Variants in FBF1 observed in about 807,000 individuals in gnomAD.
FBF1 encodes the protein fas-binding factor 1.
Under a neutral mutation model 147.2 loss-of-function variants are expected in FBF1, and 119 were observed. The observed-to-expected ratio is 0.81, with a 90% CI of 0.70 to 0.94. The LOEUF is 0.94. Among genes scored for constraint, FBF1 ranks in the 40% least tolerant of loss-of-function variants. The pLI is 0.00. For synonymous variants in FBF1, 601 were observed against 609.0 expected (o/e 0.99, Z 0.19); for missense variants, 1,449 against 1,500.8 (o/e 0.97, Z 0.57).
chr17:75,933,265 A>C (rs910343968), intron 4 of FBF1, among the ~76,000 whole-genome samples, 177 bp from the exon 5 acceptor site: 1 of 152,158 alleles, frequency 6.6e-6, no homozygotes, highest in Admixed American at 6.5e-5. Context: ...AGGGTGGTAC[A>C]TTTCCAAGGA....
rs2065554727 is a variant in FBF1, at chr17:75,925,492, A to G, written c.869-46T>C. 1 of 1,539,520 alleles carries G rather than the reference A, an allele frequency of 6.5e-7. No homozygotes were observed. The highest frequency in any genetic ancestry group is 1.9e-5 in the Admixed American group (1 of 51,648). ...GACCGTGATCTGGAGTAGGGGAACC[A>G]AGCTCATTTGCGGCTGCAAAATTCT... is the stretch of plus-strand genomic sequence containing the variant. On this transcript the variant is annotated intron_variant, in intron 12 of 29. Coordinates refer to ENST00000636174, the MANE Select transcript of FBF1 (RefSeq NM_001319193.2). The surrounding 1 kb of genome is among the most constrained non-coding windows in gnomAD (Gnocchi z 5.0).
chr17:75,920,170 G>A, intron 18 of FBF1, 63 bp from the exon 19 acceptor site: 1 of 1,585,994 alleles, frequency 6.3e-7, no homozygotes, highest in Non-Finnish European at 8.6e-7. Context: ...ACGCTGCCCT[G>A]TGCCAACAGC....
At chr17:75,929,945 A>ACCCCCCCCCCCCCCCCCCCCCCC in intron 7 of FBF1, 52 bp downstream of exon 7, 1 of 650,910 alleles carries the variant, frequency 1.5e-6, no homozygotes, top group Non-Finnish European at 2.8e-6. Flanking sequence ...AAATATCATG[A>ACCCCCCCCCCCCCCCCCCCCCCC]CCCCACCCCA....
At chr17:75,912,389 TC>T in intron 28 of FBF1, 82 bp from the exon 29 acceptor site, 5 of 1,071,460 alleles carry the variant, frequency 4.7e-6, no homozygotes, top group Non-Finnish European at 6.6e-6. Flanking sequence ...GCAGAGCTGC[TC>T]CCCCCGCCAG....
rs2065479936 is a variant in FBF1 at position 75,915,012 on chromosome 17, C to T, written c.2628+5G>A. The T allele has an allele frequency of 6.2e-7, 1 of 1,613,218 alleles. No individual in the cohort carries two copies. Among genetic ancestry groups the T allele is most frequent in the Non-Finnish European group, 8.5e-7 (1 of 1,179,762 alleles). Reference sequence around the variant, plus strand: ...GCAGGGGCTGAGTGCGGTGGCTTGACTCACCTTGGCCCGTTCCAGCTCCGC... The same window carrying T: ...GCAGGGGCTGAGTGCGGTGGCTTGATTCACCTTGGCCCGTTCCAGCTCCGC... On this transcript the variant is annotated splice_donor_5th_base_variant and intron_variant, in intron 24 of 29. Coordinates refer to ENST00000636174, the MANE Select transcript of FBF1 (RefSeq NM_001319193.2).
intron 2 of FBF1, chr17:75,937,881 GA>G: frequency 1.6e-6 from 1 of 627,842 alleles, no homozygotes; most frequent in Non-Finnish European, 2.8e-6. Context: ...CATGTGACCG[GA>G]AATGTCTTCT....
chr17:75,920,026 G>A lies in FBF1; in HGVS notation c.1912C>T (p.Leu638Phe), dbSNP rs370438221. ...GGGTACCTGTGTGCACTCTCGATGAGCTCCAGGTCTGCCTGGTGCTGCTGC... is the reference window on the plus strand; with the variant it reads ...GGGTACCTGTGTGCACTCTCGATGAACTCCAGGTCTGCCTGGTGCTGCTGC... ...LQQQHQADLE[L>F]IESAHRSRIK... The change falls in exon 19 of 30, where the codon CTC (leucine) becomes TTC (phenylalanine). Residue 638 changes from leucine (L) to phenylalanine (F), a missense_variant. Leu to Phe is a conservative substitution (Grantham distance 22, BLOSUM62 0). Transcript: ENST00000636174. 3 of 1,605,426 alleles carry A rather than the reference G, an allele frequency of 1.9e-6. No individual in the cohort carries two copies. Among genetic ancestry groups the A allele is most frequent in the African/African-American group, 1.3e-5 (1 of 74,722 alleles).
rs2065473818 is a variant in FBF1 at position 75,914,190 on chromosome 17, T to C, written c.2923A>G (p.Lys975Glu). The C allele has an allele frequency of 6.3e-7, 1 of 1,592,326 alleles. No individual in the cohort carries two copies. Among genetic ancestry groups the C allele is most frequent in the Non-Finnish European group, 8.5e-7 (1 of 1,172,492 alleles). Residue 975 changes from lysine (K) to glutamate (E), a missense_variant, in exon 26 of 30, where the codon AAG (lysine) becomes GAG (glutamate). Physicochemically the swap from Lys to Glu is moderately conservative, Grantham distance 56. Coordinates refer to ENST00000636174, the MANE Select transcript of FBF1 (RefSeq NM_001319193.2). ...AGGGCGGTGGCGTTGATCCTCTCCT[T>C]CTCCAGCCGCAGCTCCTGCCGCTCC... is the stretch of plus-strand genomic sequence containing the variant. ...EQERQELRLE[K>E]ERINATALRV...
chr17:75,923,242 A>G lies in FBF1; in HGVS notation c.1368T>C (p.Ala456=). The part of the protein sequence containing the change: ...KSQGLAREQH[A]GTSEGLHLAG... The stretch of plus-strand genomic sequence containing the variant: ...CCAAATGCAGGCCCTCAGAGGTCCC[A>G]GCATGCTGCTCTCTGGCCAGGCCTT... The change falls in exon 14 of 30, where the codon GCT becomes GCC. Residue 456 remains alanine (A), a synonymous_variant. Coordinates refer to ENST00000636174, the MANE Select transcript of FBF1 (RefSeq NM_001319193.2). The surrounding 1 kb of genome is among the most constrained non-coding windows in gnomAD (Gnocchi z 4.1). 1 of 1,591,574 alleles carries G rather than the reference A, an allele frequency of 6.3e-7. No homozygotes were observed. The highest frequency in any genetic ancestry group is 1.1e-5 in the South Asian group (1 of 87,588).
In FBF1 at chr17:75,910,780, C is replaced by A. The variant is rs373837956; in HGVS notation, c.3390G>T (p.Gln1130His). The change falls in exon 30 of 30, where the codon CAG (glutamine) becomes CAT (histidine). Residue 1130 changes from glutamine (Q) to histidine (H), a missense_variant. Transcript: ENST00000636174. The surrounding 1 kb of genome is among the most constrained non-coding windows in gnomAD (Gnocchi z 4.1). ...CTTTCTTCAGGGTCTCCAGGAAGAACTGTTCATTCTCCAAGAAGTCACGGT... is the reference window on the plus strand; with the variant it reads ...CTTTCTTCAGGGTCTCCAGGAAGAAATGTTCATTCTCCAAGAAGTCACGGT... ...EQDRDFLENE[Q>H]FFLETLKKGS... is the part of the protein sequence containing the mutation. 6.0e-5 allele frequency: 97 copies of A among 1,611,244 alleles called. No individual in the cohort carries two copies. The highest frequency in any genetic ancestry group is 8.0e-5 in the Non-Finnish European group (94 of 1,178,834).
intron 8 of FBF1, 137 bp from the exon 9 acceptor site, chr17:75,927,669 C>A (rs987119322): frequency 9.8e-6 from 7 of 717,766 alleles, no homozygotes; most frequent in Admixed American, 7.8e-5. Flanking sequence ...ATGGGCACAG[C>A]CAAGGGAGGA....
chr17:75,921,165 T>C, intron 17 of FBF1, 79 bp downstream of exon 17: 18 of 1,445,854 alleles, frequency 1.2e-5, no homozygotes, highest in Middle Eastern at 1.7e-4. Context: ...GGTCGTCAGG[T>C]CAAACTGTGG....
Position 75,910,559 on chromosome 17 carries a change from G to A in FBF1, c.*164C>T, listed in dbSNP as rs1196636583. On this transcript the variant is annotated 3_prime_UTR_variant, in exon 30 of 30. Transcript: ENST00000636174. The surrounding 1 kb of genome is among the most constrained non-coding windows in gnomAD (Gnocchi z 4.1). Reference sequence around the variant, plus strand: ...CAGAGGCAGGGGCTGCCCCGGGCTGGCACATTTGGAAAGGATGCACTTGCA... The same window carrying A: ...CAGAGGCAGGGGCTGCCCCGGGCTGACACATTTGGAAAGGATGCACTTGCA... 2 of 630,526 alleles carry A rather than the reference G, an allele frequency of 3.2e-6. No homozygotes were observed. Among genetic ancestry groups the A allele is most frequent in the East Asian group, 5.7e-5 (2 of 35,396 alleles). The allele number at this position is 630,526 out of a possible 1,614,324, so 39.1% of individuals were successfully genotyped here. A position where few individuals can be genotyped will look rare whatever the true frequency, so the allele number is the denominator to read the frequency against.
intron 1 of FBF1, 66 bp from the exon 2 acceptor site, chr17:75,938,298 G>T: frequency 2.5e-6 from 3 of 1,197,666 alleles, no homozygotes; most frequent in East Asian, 2.5e-5. Context: ...CATGGCTCAC[G>T]CCTGTTAATC....
At position 75,918,712 on chromosome 17, in the gene FBF1, G is replaced by A. The variant is rs1006917891; in HGVS notation, c.2139-443C>T. 6.6e-6 allele frequency among the ~76,000 whole-genome samples: 1 copy of A among 151,764 alleles called. No individual in the cohort carries two copies. The highest frequency in any genetic ancestry group is 2.4e-5 in the African/African-American group (1 of 41,270). The stretch of plus-strand genomic sequence containing the variant: ...CCACCGTGTTGCCCAGGCTGGTCTC[G>A]AACTTCTGAGCTCAGGCAATCTACC... On this transcript the variant is annotated intron_variant, in intron 20 of 29. Coordinates refer to ENST00000636174, the MANE Select transcript of FBF1 (RefSeq NM_001319193.2). This position sits in a 1 kb window ranked among gnomAD's most constrained non-coding sequence, Gnocchi z 5.8.
Position 75,921,300 on chromosome 17 carries a change from G to A in FBF1, c.1618C>T (p.Pro540Ser). The A allele has an allele frequency of 6.3e-7, 1 of 1,589,906 alleles. No individual in the cohort carries two copies. Among genetic ancestry groups the A allele is most frequent in the East Asian group, 2.3e-5 (1 of 43,748 alleles). The part of the protein sequence containing the change: ...TAPGDLSATE[P>S]ATCFPSTQKP... ...TGGGTGCTCGGGAAACACGTGGCAG[G>A]CTCTGAAACATCAACAACAGAGAAA... is the stretch of plus-strand genomic sequence containing the variant. Residue 540 changes from proline to serine, a missense_variant and splice_region_variant, in exon 17 of 30, where the codon CCT (proline) becomes TCT (serine). Pro to Ser is a moderately conservative substitution (Grantham distance 74). Transcript: ENST00000636174.
At position 75,909,603 on chromosome 17, in the gene FBF1, C is replaced by G. The variant is rs2144144032; in HGVS notation, c.*1120G>C. 1.9e-6 allele frequency: 1 copy of G among 513,596 alleles called. No homozygotes were observed. The highest frequency in any genetic ancestry group is 3.5e-5 in the South Asian group (1 of 28,504). 31.8% of individuals were successfully genotyped at this position (513,596 alleles called of 1,614,324 possible). On this transcript the variant is annotated 3_prime_UTR_variant, in exon 30 of 30. Transcript: ENST00000636174. ...ATTTCAGGCAGGTTATTTAATCTCC[C>G]CGGGCCTCAGTTTCTGCATGTTTGA...
At position 75,923,324 on chromosome 17, in the gene FBF1, G is replaced by T. The variant is rs762506140; in HGVS notation, c.1286C>A (p.Ala429Asp). The T allele has an allele frequency of 1.3e-6, 2 of 1,599,294 alleles. No individual in the cohort carries two copies. Among genetic ancestry groups the T allele is most frequent in the East Asian group, 2.3e-5 (1 of 44,374 alleles). The change falls in exon 14 of 30, where the codon GCC becomes GAC. Residue 429 changes from alanine (A) to aspartate (D), a missense_variant. Coordinates refer to ENST00000636174, the MANE Select transcript of FBF1 (RefSeq NM_001319193.2). The surrounding 1 kb of genome is among the most constrained non-coding windows in gnomAD (Gnocchi z 4.1). ...AKASQASKLRASKEEKEDWLS... is the reference protein window; with the variant it reads ...AKASQASKLRDSKEEKEDWLS... The stretch of plus-strand genomic sequence containing the variant: ...CCAGTCCTCTTTCTCCTCCTTGGAG[G>T]CTCGCAGCTTGGAAGCCTGGCTGGC...
intron 8 of FBF1, 26 bp from the exon 9 acceptor site, chr17:75,927,558 T>G (rs1274041656): frequency 1.3e-6 from 2 of 1,576,758 alleles, no homozygotes; most frequent in Non-Finnish European, 1.7e-6. Flanking sequence ...GACAAGGTCA[T>G]GGGCCTGAGT....
Sources: gnomAD v4.1 joint callset for allele counts (sites outside exome capture counted in the v4.1 genomes callset) on GRCh38, gnomAD v4.1.1 for gene constraint, Gnocchi (gnomAD v3.1) non-coding constraint, MANE v1.5 for transcripts, NCBI Gene and HGNC (gene_info 2026-07-23, HGNC 2026-07-21) for gene names.